KCNN1: variants seen among roughly 807,000 people sequenced by gnomAD.
KCNN1 encodes the protein small conductance calcium-activated potassium channel protein 1.
In KCNN1, 20 loss-of-function variants were observed where a neutral mutation model predicts 44.7. That is an observed-to-expected ratio of 0.45 (90% CI 0.32 to 0.65). The LOEUF (loss-of-function observed/expected upper bound fraction) is 0.65. KCNN1 is among the 30% of genes least tolerant of loss of function. KCNN1 has a pLI of 0.05. For synonymous variants in KCNN1, 324 were observed against 341.7 expected (o/e 0.95, Z 0.57); for missense variants, 632 against 785.3 (o/e 0.80, Z 2.33).
chr19:17,963,317 T>TC (rs1352033749), upstream of KCNN1, among the ~76,000 whole-genome samples: 1 of 143,304 alleles, frequency 7.0e-6, no homozygotes, highest in Non-Finnish European at 1.5e-5. Context: ...CCGGCCACCT[T>TC]TTTTTTTTTT....
chr19:17,963,256 G>A (rs144849245), upstream of KCNN1, among the ~76,000 whole-genome samples: 103 of 150,262 alleles, frequency 6.9e-4, 2 homozygotes, highest in East Asian at 0.012. Flanking sequence ...CTCGTGATCC[G>A]CCTGCCTCAG....
At chr19:17,958,168 T>C (rs2031588679) in intron 2 of KCNN1, among the ~76,000 whole-genome samples, 1 of 152,012 alleles carries the variant, frequency 6.6e-6, no homozygotes, top group Admixed American at 6.6e-5. Flanking sequence ...AGGGGATCAC[T>C]GAGCACCCAG....
chr19:17,985,555 C>T (rs2032567464), intron 5 of KCNN1, 102 bp downstream of exon 5: 8 of 1,071,546 alleles, frequency 7.5e-6, no homozygotes, highest in East Asian at 5.5e-5. Context: ...CATCCCATCA[C>T]GAGCTGTGCC....
At chr19:17,956,153 G>A (rs1288169895) in intron 2 of KCNN1, among the ~76,000 whole-genome samples, 1 of 152,096 alleles carries the variant, frequency 6.6e-6, no homozygotes, top group African/African-American at 2.4e-5. Context: ...GGCCGGGCTG[G>A]TCTCGAACTC....
chr19:17,970,989 T>C (rs1354499600), intron 1 of KCNN1, among the ~76,000 whole-genome samples: 1 of 151,882 alleles, frequency 6.6e-6, no homozygotes, highest in East Asian at 1.9e-4. Flanking sequence ...GTTCAAGCTA[T>C]TCTCCTGCCT....
intron 5 of KCNN1, among the ~76,000 whole-genome samples, chr19:17,986,719 A>G (rs2032610771): frequency 6.6e-6 from 1 of 151,302 alleles, no homozygotes; most frequent in South Asian, 2.1e-4. Flanking sequence ...CTGGTCATGA[A>G]CTCCTGGGCT....
chr19:17,978,253 A>C lies in KCNN1; in HGVS notation c.498+3066A>C, dbSNP rs138277462. Among the ~76,000 whole-genome samples, 362 of 149,932 alleles carry C rather than the reference A, an allele frequency of 2.4e-3. 1 individual carries two copies. Among genetic ancestry groups the C allele is most frequent in the African/African-American group, 8.6e-3 (348 of 40,630 alleles). ...GTCATTCTCCTGCCTCAGCCTCCTG[A>C]GTAGCTGGGATTACAGGTACCTGCC... On this transcript the variant is annotated intron_variant, in intron 3 of 9. Transcript: ENST00000684775.
intron 9 of KCNN1, among the ~76,000 whole-genome samples, chr19:17,994,100 A>C (rs1182233856): frequency 6.6e-6 from 1 of 152,076 alleles, no homozygotes; most frequent in East Asian, 1.9e-4. Flanking sequence ...AGCTTTGTAT[A>C]ATTTGTATAG....
intron 7 of KCNN1, among the ~76,000 whole-genome samples, chr19:17,990,534 C>T (rs1305279948): frequency 6.6e-6 from 1 of 151,248 alleles, no homozygotes; most frequent in Non-Finnish European, 1.5e-5. Context: ...GGCGCGGTGG[C>T]TCACGCCTGT....
chr19:17,981,600 G>C (rs895731860), intron 3 of KCNN1, 109 bp from the exon 4 acceptor site: 12 of 846,460 alleles, frequency 1.4e-5, no homozygotes, highest in Admixed American at 9.7e-5. Context: ...ATCCGAGCCT[G>C]TGGGGTTTCA....
upstream of KCNN1, among the ~76,000 whole-genome samples, chr19:17,963,381 T>C (rs2031729773): frequency 6.6e-6 from 1 of 151,458 alleles, no homozygotes; most frequent in Non-Finnish European, 1.5e-5. Flanking sequence ...GGCACAGTCT[T>C]GGCTCACTGC....
At chr19:17,964,820 G>C (rs555403439), upstream of KCNN1, among the ~76,000 whole-genome samples, 1 of 152,190 alleles carries the variant, frequency 6.6e-6, no homozygotes, top group African/African-American at 2.4e-5. The surrounding 1 kb of genome is among the most constrained non-coding windows in gnomAD (Gnocchi z 4.3). Flanking sequence ...GATCCCTCAG[G>C]GCAGGTGAAT....
rs746227203 is a variant in KCNN1 at position 17,998,581 on chromosome 19, G to A, written c.*175G>A. 1 of 639,010 alleles carries A rather than the reference G, an allele frequency of 1.6e-6. No homozygotes were observed. Among genetic ancestry groups the A allele is most frequent in the East Asian group, 3.1e-5 (1 of 32,214 alleles). 39.6% of individuals were successfully genotyped at this position (639,010 alleles called of 1,614,324 possible). On this transcript the variant is annotated 3_prime_UTR_variant, in exon 10 of 10. Coordinates refer to ENST00000684775, the MANE Select transcript of KCNN1 (RefSeq NM_001386974.1). The surrounding 1 kb of genome is among the most constrained non-coding windows in gnomAD (Gnocchi z 5.4). The stretch of plus-strand genomic sequence containing the variant: ...GGCAGAGGGCAGGGCTGGACCATGG[G>A]TGAGGGCAGGGGAGCCCGGAGCTTC...
chr19:17,970,957 C>G lies in KCNN1; in HGVS notation c.-81-2851C>G, dbSNP rs2032001434. ...GGAGTGCAGTGGCGTGATCTCAGCT[C>G]ACTGCAGCCTCCACCTCCCGAGTTC... On this transcript the variant is annotated intron_variant, in intron 1 of 9. Transcript: ENST00000684775. 2.6e-5 allele frequency among the ~76,000 whole-genome samples: 4 copies of G among 151,590 alleles called. No homozygotes were observed. In the South Asian group the frequency reaches 8.3e-4, roughly 32 times the overall value.
In KCNN1 at chr19:17,975,081, C is replaced by T. The variant is rs771428236; in HGVS notation, c.403-11C>T. The T allele has an allele frequency of 4.3e-6, 7 of 1,610,564 alleles. No individual in the cohort carries two copies. ...CAGCGTCCATCTGGCTGTGTCCTCT[C>T]TCTTTACCAGGAGTCTCTGTACTCA... On this transcript the variant is annotated splice_polypyrimidine_tract_variant and intron_variant, in intron 2 of 9. Coordinates refer to ENST00000684775, the MANE Select transcript of KCNN1 (RefSeq NM_001386974.1).
Position 17,974,095 on chromosome 19 carries a change from CGAGGATGAT to C in KCNN1, c.213_221del (p.Asp71_Glu73del). 2 of 1,612,048 alleles carry C rather than the reference CGAGGATGAT, an allele frequency of 1.2e-6. No individual in the cohort carries two copies. Among genetic ancestry groups the C allele is most frequent in the African/African-American group, 1.3e-5 (1 of 75,022 alleles). ...GGCAGCCCCAGGACCAGGACGATGA[CGAGGATGAT>C]GAGGAAGATGAGGCCGGCAGGCAGA... On this transcript the variant is annotated inframe_deletion, in exon 2 of 10. Coordinates refer to ENST00000684775, the MANE Select transcript of KCNN1 (RefSeq NM_001386974.1). The surrounding 1 kb of genome is among the most constrained non-coding windows in gnomAD (Gnocchi z 7.3).
At position 17,975,157 on chromosome 19, in the gene KCNN1, CGTT is replaced by C; in HGVS notation, c.471_473del (p.Val158del). 6.2e-7 allele frequency: 1 copy of C among 1,613,648 alleles called. No individual in the cohort carries two copies. Among genetic ancestry groups the C allele is most frequent in the Non-Finnish European group, 8.5e-7 (1 of 1,179,698 alleles). ...TCTCCACGGCCATCCTGCTGGGTCT[CGTT>C]GTCCTCTACCATGCCCGGGAGATCC... On this transcript the variant is annotated inframe_deletion, in exon 3 of 10. Transcript: ENST00000684775.
chr19:17,999,737 T>C lies in KCNN1; in HGVS notation c.*1331T>C. On this transcript the variant is annotated 3_prime_UTR_variant, in exon 10 of 10. Coordinates refer to ENST00000684775, the MANE Select transcript of KCNN1 (RefSeq NM_001386974.1). ...CCTGGGTGGGGCGAGGAGGCCTGGC[T>C]CCTGGGGAGACGACGCTGTGCATAG... is the stretch of plus-strand genomic sequence containing the variant. The C allele has an allele frequency of 3.2e-6, 1 of 316,502 alleles. No homozygotes were observed. Among genetic ancestry groups the C allele is most frequent in the South Asian group, 2.5e-5 (1 of 39,674 alleles). The allele number at this position is 316,502 out of a possible 1,614,324, so 19.6% of individuals were successfully genotyped here.
At chr19:17,960,393 G>A (rs188552587) in intron 2 of KCNN1, among the ~76,000 whole-genome samples, 304 of 152,224 alleles carry the variant, frequency 2.0e-3, no homozygotes, top group African/African-American at 7.0e-3. Context: ...ACTTTGGGAG[G>A]CCGAGGCGGG....
Sources: allele counts gnomAD v4.1 joint callset (sites outside exome capture counted in the v4.1 genomes callset), GRCh38; gene constraint gnomAD v4.1.1; non-coding constraint Gnocchi (gnomAD v3.1); transcripts MANE v1.5; gene names NCBI Gene and HGNC (gene_info 2026-07-23, HGNC 2026-07-21).